CCDC18: variants seen among roughly 807,000 people sequenced by gnomAD.
CCDC18 encodes the protein coiled-coil domain containing 18.
A neutral mutation model predicts 196.0 loss-of-function variants in CCDC18; 157 were observed. The ratio of observed to expected loss-of-function variants is 0.80; its 90% CI spans 0.70 to 0.91. The LOEUF is 0.91. Among genes scored for constraint, CCDC18 ranks in the 40% least tolerant of loss-of-function variants. The probability of loss-of-function intolerance (pLI) is 0.00; values close to 1 mark genes in which losing one functional copy is unlikely to be tolerated. For synonymous variants in CCDC18, 482 were observed against 529.2 expected (o/e 0.91, Z 1.22); for missense variants, 1,465 against 1,611.6 (o/e 0.91, Z 1.56).
intron 3 of CCDC18, among the ~76,000 whole-genome samples, chr1:93,186,047 T>C (rs1390445150): frequency 1.3e-5 from 2 of 151,888 alleles, no homozygotes; most frequent in African/African-American, 4.8e-5. Flanking sequence ...TTTTATCAGG[T>C]TTATGTCTAG....
At chr1:93,236,034 T>C (rs938655667) in intron 18 of CCDC18, among the ~76,000 whole-genome samples, 4 of 152,186 alleles carry the variant, frequency 2.6e-5, no homozygotes, top group African/African-American at 9.7e-5. Flanking sequence ...AACACTTTAG[T>C]GTTATGATGT....
chr1:93,266,642 A>G (rs150974632), intron 27 of CCDC18, among the ~76,000 whole-genome samples: 2 of 152,112 alleles, frequency 1.3e-5, no homozygotes, highest in Admixed American at 6.5e-5. Context: ...AATACAAACT[A>G]CCATCAGAGA....
At chr1:93,189,112 C>T (rs1369365746) in intron 4 of CCDC18, among the ~76,000 whole-genome samples, 1 of 152,182 alleles carries the variant, frequency 6.6e-6, no homozygotes. Context: ...CCCCACCTCT[C>T]CCCACCCCAA....
At chr1:93,190,819 C>A in intron 4 of CCDC18, 1 of 712,828 alleles carries the variant, frequency 1.4e-6, no homozygotes, top group South Asian at 1.4e-5. Context: ...ACTCAGCATT[C>A]TCTTAGATCT....
intron 17 of CCDC18, among the ~76,000 whole-genome samples, chr1:93,226,653 C>T (rs1220750397): frequency 1.3e-5 from 2 of 151,852 alleles, no homozygotes; most frequent in African/African-American, 2.4e-5. Flanking sequence ...TGTGCCTCAG[C>T]CTCCTGTGTA....
At chr1:93,274,380 T>A (rs1168694149) in intron 28 of CCDC18, among the ~76,000 whole-genome samples, 1 of 151,986 alleles carries the variant, frequency 6.6e-6, no homozygotes, top group Non-Finnish European at 1.5e-5. Context: ...CCAGCCTGGG[T>A]GACAGAGCGA....
intron 21 of CCDC18, among the ~76,000 whole-genome samples, chr1:93,242,264 C>T (rs771388454): frequency 4.6e-5 from 7 of 152,156 alleles, no homozygotes; most frequent in Non-Finnish European, 5.9e-5. Flanking sequence ...ACTCACAGTT[C>T]CACGTGGCTG....
At chr1:93,244,471 A>C (rs1031011246) in intron 21 of CCDC18, among the ~76,000 whole-genome samples, 4 of 152,244 alleles carry the variant, frequency 2.6e-5, no homozygotes, top group Non-Finnish European at 4.4e-5. Context: ...AGCCAGACAC[A>C]TGTTGCATAA....
intron 17 of CCDC18, 75 bp downstream of exon 17, chr1:93,226,524 A>AAT (rs35929850): frequency 3.8e-3 from 1,432 of 381,374 alleles, no homozygotes; most frequent in Middle Eastern, 0.011. Context: ...TGTAGGACAA[A>AAT]ATATATATAT....
intron 26 of CCDC18, among the ~76,000 whole-genome samples, chr1:93,263,049 G>A (rs1664031399): frequency 6.6e-6 from 1 of 152,086 alleles, no homozygotes; most frequent in South Asian, 2.1e-4. Flanking sequence ...GCCATGGGTG[G>A]AGCTGAAGCA....
At chr1:93,212,839 C>CA (rs1310108691) in intron 11 of CCDC18, among the ~76,000 whole-genome samples, 1 of 152,056 alleles carries the variant, frequency 6.6e-6, no homozygotes, top group African/African-American at 2.4e-5. Context: ...ATTTATTGTG[C>CA]AATTTATTTA....
At chr1:93,274,830 AAAAC>A (rs1241183618) in intron 28 of CCDC18, among the ~76,000 whole-genome samples, 3 of 152,218 alleles carry the variant, frequency 2.0e-5, no homozygotes, top group East Asian at 1.9e-4. Context: ...ATCTCTAAAC[AAAAC>A]AAACAAACGT....
At chr1:93,199,522 T>TGAA (rs1653441304) in intron 6 of CCDC18, among the ~76,000 whole-genome samples, 1 of 152,256 alleles carries the variant, frequency 6.6e-6, no homozygotes, top group African/African-American at 2.4e-5. Flanking sequence ...TGGGCTCCCC[T>TGAA]GAAGGGCTGT....
In CCDC18 at chr1:93,191,988, T is replaced by G. The variant is rs1470851159; in HGVS notation, c.463-12T>G. On this transcript the variant is annotated splice_polypyrimidine_tract_variant and intron_variant, in intron 4 of 28. Coordinates refer to ENST00000690025, the MANE Select transcript of CCDC18 (RefSeq NM_001378204.1). ...TTCTGAAAGTACTATAAAAGTTGTT[T>G]TTATGTTTTAGGTTTCTATGCTTGA... The G allele has an allele frequency of 1.8e-5, 28 of 1,585,936 alleles. No individual in the cohort carries two copies. Among genetic ancestry groups the G allele is most frequent in the Non-Finnish European group, 2.2e-5 (26 of 1,160,070 alleles).
chr1:93,254,549 C>G lies in CCDC18; in HGVS notation c.3277C>G (p.Gln1093Glu). The change falls in exon 24 of 29, where the codon CAG (glutamine) becomes GAG (glutamate). Residue 1093 changes from glutamine (Q) to glutamate (E), a missense_variant. Transcript: ENST00000690025. ...AGAGTTTATAATGCTACAAAATGAA[C>G]AGGAGATAAGTCAACTGAAAAAAGA... The part of the protein sequence containing the change: ...EKEFIMLQNE[Q>E]EISQLKKEIE... The G allele has an allele frequency of 6.2e-7, 1 of 1,607,194 alleles. No homozygotes were observed.
intron 1 of CCDC18, 88 bp from the exon 2 acceptor site, chr1:93,183,272 A>G (rs1650043397): frequency 2.3e-6 from 2 of 882,136 alleles, no homozygotes; most frequent in African/African-American, 1.7e-5. Context: ...ATAGAAAACT[A>G]ATGAGTTAAA....
At chr1:93,264,939 A>G (rs766391269) in intron 27 of CCDC18, 38 bp downstream of exon 27, 1 of 1,407,688 alleles carries the variant, frequency 7.1e-7, no homozygotes, top group South Asian at 1.2e-5. Context: ...CATATCTATG[A>G]AAACATAAAT....
rs556537541 is a variant in CCDC18, at chr1:93,250,880, T to A, written c.3199-3591T>A. On this transcript the variant is annotated intron_variant, in intron 23 of 28. Transcript: ENST00000690025. ...TGAAGTGAATTTCTTTTAGGAAGCA[T>A]ATAGTTGGATTTGTTTTTTAATCCA... Among the ~76,000 whole-genome samples, 3 of 152,350 alleles carry A rather than the reference T, an allele frequency of 2.0e-5. No individual in the cohort carries two copies. In the South Asian group the frequency reaches 6.2e-4, roughly 32 times the overall value.
chr1:93,255,784 G>GGAAGAAGAT (rs1553184498), intron 24 of CCDC18, among the ~76,000 whole-genome samples: 2 of 150,092 alleles, frequency 1.3e-5, no homozygotes, highest in African/African-American at 2.5e-5. Flanking sequence ...AGGAAGAAGA[G>GGAAGAAGAT]GAAGAAGAAG....
Sources: gnomAD v4.1 joint callset for allele counts (sites outside exome capture counted in the v4.1 genomes callset) on GRCh38, gnomAD v4.1.1 for gene constraint, MANE v1.5 for transcripts, NCBI Gene and HGNC (gene_info 2026-07-23, HGNC 2026-07-21) for gene names.